Variants in ADCY3 observed in about 807,000 individuals in gnomAD.
ADCY3 encodes adenylate cyclase type 3.
In ADCY3, 70 loss-of-function variants were observed where a neutral mutation model predicts 119.4. The observed-to-expected ratio is 0.59, with a 90% CI of 0.48 to 0.72. ADCY3 has a LOEUF of 0.72. ADCY3 is among the 30% of genes least tolerant of loss of function. The probability of loss-of-function intolerance (pLI) is 0.00; values close to 1 mark genes in which losing one functional copy is unlikely to be tolerated. For synonymous variants in ADCY3, 672 were observed against 621.4 expected, an observed-to-expected ratio of 1.08 and a Z score of -1.21; for missense variants, 1,238 against 1,541.6, an observed-to-expected ratio of 0.80 and a Z score of 3.30.
chr2:24,874,278 G>A (rs79060266), intron 2 of ADCY3, among the ~76,000 whole-genome samples: 2,971 of 151,874 alleles, frequency 0.02, 101 homozygotes, highest in African/African-American at 0.067. Context: ...CTCTGCTGGC[G>A]TCTGGTTCCA....
At chr2:24,851,999 C>T (rs949461834) in intron 3 of ADCY3, among the ~76,000 whole-genome samples, 1 of 152,162 alleles carries the variant, frequency 6.6e-6, no homozygotes, top group African/African-American at 2.4e-5. Context: ...TATTCCTTGG[C>T]AATAATTGCT....
At chr2:24,910,041 G>A (rs1663387955) in intron 2 of ADCY3, among the ~76,000 whole-genome samples, 1 of 152,208 alleles carries the variant, frequency 6.6e-6, no homozygotes, top group Non-Finnish European at 1.5e-5. Context: ...CATGAGTAAA[G>A]GCTTCTTAGA....
chr2:24,918,639 A>G lies in ADCY3; in HGVS notation c.349T>C (p.Leu117=), dbSNP rs761518247. Residue 117 remains leucine (L), a synonymous_variant, in exon 2 of 22, where the codon TTG becomes CTG. Coordinates refer to ENST00000679454, the MANE Select transcript of ADCY3 (RefSeq NM_004036.5). This position sits in a 1 kb window ranked among gnomAD's most constrained non-coding sequence, Gnocchi z 5.4. The part of the protein sequence containing the change: ...SLAVAGIGLV[L]DIILFVLCKK... ...CAGAGCACGAAGAGGATGATGTCCAACACCAGTCCAATTCCAGCCACGGCG... is the reference window on the plus strand; with the variant it reads ...CAGAGCACGAAGAGGATGATGTCCAGCACCAGTCCAATTCCAGCCACGGCG... 3.1e-6 allele frequency: 5 copies of G among 1,614,124 alleles called. No individual in the cohort carries two copies. The highest frequency in any genetic ancestry group is 3.3e-4 in the Middle Eastern group (2 of 6,062).
intron 2 of ADCY3, among the ~76,000 whole-genome samples, chr2:24,881,059 C>T (rs1005912871): frequency 5.3e-5 from 8 of 151,796 alleles, no homozygotes; most frequent in East Asian, 3.9e-4. Context: ...GCTTTGACCA[C>T]GTGATTTGCT....
intron 2 of ADCY3, among the ~76,000 whole-genome samples, chr2:24,914,075 G>C (rs1179735647): frequency 6.6e-6 from 1 of 152,088 alleles, no homozygotes; most frequent in Non-Finnish European, 1.5e-5. Flanking sequence ...CCCAGCCCAG[G>C]GGCAGTTTAG....
rs1207119096 is a variant in ADCY3 at position 24,839,820 on chromosome 2, G to A, written c.1355+53C>T. 6 of 1,611,776 alleles carry A rather than the reference G, an allele frequency of 3.7e-6. No homozygotes were observed. The African/African-American group carries it at 6.7e-5, about 18-fold the overall frequency. The stretch of plus-strand genomic sequence containing the variant: ...CAGGGTCACAGCCCTGGGGGATGGA[G>A]GGGACGGTCCCCTCCCCAGTCCTCA... On this transcript the variant is annotated intron_variant, in intron 7 of 21. Coordinates refer to ENST00000679454, the MANE Select transcript of ADCY3 (RefSeq NM_004036.5).
chr2:24,832,078 CAG>C (rs1420081256), intron 11 of ADCY3: 2 of 41,246 alleles, frequency 4.8e-5, no homozygotes, highest in Non-Finnish European at 9.1e-5. Flanking sequence ...GGGCAGGGGA[CAG>C]GGGCCGGGGG....
chr2:24,901,768 G>A (rs1573032109), intron 2 of ADCY3, among the ~76,000 whole-genome samples: 1 of 131,084 alleles, frequency 7.6e-6, no homozygotes, highest in African/African-American at 3.0e-5. Flanking sequence ...AACATAGCAA[G>A]ACCTCATCTT....
chr2:24,868,813 G>A (rs1239624347), intron 3 of ADCY3, among the ~76,000 whole-genome samples: 10 of 151,802 alleles, frequency 6.6e-5, no homozygotes, highest in Non-Finnish European at 1.2e-4. Flanking sequence ...TCAGGAGATG[G>A]AGACCATCCT....
At position 24,833,412 on chromosome 2, in the gene ADCY3, C is replaced by G. The variant is rs377324045; in HGVS notation, c.1967+1073G>C. Among the ~76,000 whole-genome samples, 453 of 152,306 alleles carry G rather than the reference C, an allele frequency of 3.0e-3. 1 individual carries two copies. The highest frequency in any genetic ancestry group is 4.6e-3 in the Non-Finnish European group (316 of 68,020). On this transcript the variant is annotated intron_variant, in intron 11 of 21. Coordinates refer to ENST00000679454, the MANE Select transcript of ADCY3 (RefSeq NM_004036.5). ...GATAGGAGAAGGCTCGCCCCTCACC[C>G]GCTTCCAGGCGTTACTGAAATATTA... is the stretch of plus-strand genomic sequence containing the variant.
intron 2 of ADCY3, among the ~76,000 whole-genome samples, chr2:24,907,836 A>C (rs1573050375): frequency 6.6e-6 from 1 of 151,490 alleles, no homozygotes; most frequent in East Asian, 1.9e-4. Context: ...CTCTACAAAA[A>C]TACAAAAATT....
At position 24,899,216 on chromosome 2, in the gene ADCY3, G is replaced by A. The variant is rs1238327452; in HGVS notation, c.675+19097C>T. 6.6e-6 allele frequency among the ~76,000 whole-genome samples: 1 copy of A among 152,184 alleles called. No individual in the cohort carries two copies. Among genetic ancestry groups the A allele is most frequent in the Non-Finnish European group, 1.5e-5 (1 of 68,038 alleles). On this transcript the variant is annotated intron_variant, in intron 2 of 21. Coordinates refer to ENST00000679454, the MANE Select transcript of ADCY3 (RefSeq NM_004036.5). This position sits in a 1 kb window ranked among gnomAD's most constrained non-coding sequence, Gnocchi z 4.5. ...GTCAGCTGCGCTGCCCAGGGCCCCA[G>A]GCATCCAACTCTGGGCCACGCTTCC...
chr2:24,907,819 AC>A (rs1325082805), intron 2 of ADCY3, among the ~76,000 whole-genome samples: 1 of 151,554 alleles, frequency 6.6e-6, no homozygotes, highest in Non-Finnish European at 1.5e-5. Context: ...ACATGGCGAA[AC>A]CCCATCTCTA....
chr2:24,893,542 A>G (rs1677937778), intron 2 of ADCY3, among the ~76,000 whole-genome samples: 1 of 151,720 alleles, frequency 6.6e-6, no homozygotes, highest in East Asian at 1.9e-4. Flanking sequence ...ATTTAAGATG[A>G]GTTTCTTTAT....
intron 21 of ADCY3, 36 bp downstream of exon 21, chr2:24,820,686 CGA>C: frequency 3.1e-6 from 5 of 1,612,188 alleles, no homozygotes; most frequent in Non-Finnish European, 4.2e-6. Flanking sequence ...GTTCTCATGC[CGA>C]GTCTGAGCAC....
chr2:24,840,514 C>T (rs982500403), intron 6 of ADCY3: 38 of 463,532 alleles, frequency 8.2e-5, no homozygotes, highest in South Asian at 2.7e-4. Flanking sequence ...CAATACTAGA[C>T]GGGCTTTAAC....
At chr2:24,890,686 T>C (rs1677553748) in intron 2 of ADCY3, among the ~76,000 whole-genome samples, 1 of 152,218 alleles carries the variant, frequency 6.6e-6, no homozygotes, top group African/African-American at 2.4e-5. Flanking sequence ...CTCCCTCATT[T>C]TCCCAATCAT....
intron 19 of ADCY3, chr2:24,821,892 G>C: frequency 2.2e-6 from 1 of 453,008 alleles, no homozygotes; most frequent in Non-Finnish European, 3.9e-6. Context: ...ACCACGAGGC[G>C]GACCCCTTCA....
intron 3 of ADCY3, among the ~76,000 whole-genome samples, chr2:24,865,027 G>T (rs1164096576): frequency 6.6e-6 from 1 of 152,154 alleles, no homozygotes; most frequent in Non-Finnish European, 1.5e-5. Context: ...AATGTTTACA[G>T]TAGCAAAAGA....
Sources: gnomAD v4.1 joint callset for allele counts (sites outside exome capture counted in the v4.1 genomes callset) on GRCh38, gnomAD v4.1.1 for gene constraint, Gnocchi (gnomAD v3.1) non-coding constraint, MANE v1.5 for transcripts, NCBI Gene and HGNC (gene_info 2026-07-23, HGNC 2026-07-21) for gene names.